BCAS3: variants seen among roughly 807,000 people sequenced by gnomAD.
The protein encoded by BCAS3 is BCAS4/BCAS3 fusion.
Under a neutral mutation model 116.1 loss-of-function variants are expected in BCAS3, and 53 were observed. The ratio of observed to expected loss-of-function variants is 0.46; its 90% CI spans 0.37 to 0.57. BCAS3 has a LOEUF of 0.57. BCAS3 is among the 20% of genes least tolerant of loss of function. The pLI, the probability that BCAS3 is intolerant of heterozygous loss-of-function variation, is 0.00. For missense variants in BCAS3, 917 were observed against 1,165.4 expected, an observed-to-expected ratio of 0.79 and a Z score of 3.10; for synonymous variants, 391 against 408.2, an observed-to-expected ratio of 0.96 and a Z score of 0.51.
At chr17:61,191,630 A>C (rs578168052) in intron 22 of BCAS3, among the ~76,000 whole-genome samples, 10 of 151,604 alleles carry the variant, frequency 6.6e-5, no homozygotes, top group Admixed American at 5.9e-4. Flanking sequence ...AAAAAATTAG[A>C]CAGGTGTGGT....
chr17:60,820,882 T>G, intron 7 of BCAS3, among the ~76,000 whole-genome samples: 1 of 152,224 alleles, frequency 6.6e-6, no homozygotes, highest in Non-Finnish European at 1.5e-5. Context: ...TAATGTACTT[T>G]GTATTCAGTT....
chr17:61,168,813 C>A (rs78244602), intron 22 of BCAS3, among the ~76,000 whole-genome samples: 1 of 152,124 alleles, frequency 6.6e-6, no homozygotes, highest in Non-Finnish European at 1.5e-5. Context: ...TTATATAGTA[C>A]GGTTTTGGAA....
At chr17:60,978,425 G>A (rs976589996) in intron 14 of BCAS3, among the ~76,000 whole-genome samples, 2 of 150,832 alleles carry the variant, frequency 1.3e-5, no homozygotes, top group African/African-American at 5.0e-5. Context: ...TGAGTAGGTT[G>A]CGAAAATTTT....
At chr17:60,936,746 A>AT (rs1213425711) in intron 13 of BCAS3, among the ~76,000 whole-genome samples, 1 of 152,086 alleles carries the variant, frequency 6.6e-6, no homozygotes, top group Non-Finnish European at 1.5e-5. Context: ...TTTATTGTAG[A>AT]TTCTCGATAT....
rs2144604902 is a variant in BCAS3, at chr17:61,265,751, G to A, written c.2426-102576G>A. 6.6e-6 allele frequency among the ~76,000 whole-genome samples: 1 copy of A among 151,880 alleles called. No individual in the cohort carries two copies. The highest frequency in any genetic ancestry group is 1.5e-5 in the Non-Finnish European group (1 of 67,960). The stretch of plus-strand genomic sequence containing the variant: ...GGGTTTGTGTGTGTCATACTGTCCT[G>A]GACTCTGTATAGCAAAGATTTAATG... On this transcript the variant is annotated intron_variant, in intron 22 of 23. Coordinates refer to ENST00000407086, the MANE Select transcript of BCAS3 (RefSeq NM_017679.5). The surrounding 1 kb of genome is among the most constrained non-coding windows in gnomAD (Gnocchi z 4.3).
rs1464690302 is a variant in BCAS3 at position 60,920,432 on chromosome 17, A to T, written c.994-3975A>T. Among the ~76,000 whole-genome samples, 2 of 152,204 alleles carry T rather than the reference A, an allele frequency of 1.3e-5. 1 individual carries two copies. The highest frequency in any genetic ancestry group is 3.8e-4 in the East Asian group (2 of 5,198). ...TAACCCCATTAAAAATGGGCAAAGG[A>T]CACACATACACTTCTTAAAAGAAGA... On this transcript the variant is annotated intron_variant, in intron 12 of 23. Coordinates refer to ENST00000407086, the MANE Select transcript of BCAS3 (RefSeq NM_017679.5).
At position 61,019,006 on chromosome 17, in the gene BCAS3, G is replaced by GAGT. The variant is rs2065688788; in HGVS notation, c.1637+3106_1637+3107insGTA. ...TAATATAGAGTACAGTGACTGATAAGACTTTGATGATAGTGGTCAGTCATA... is the reference window on the plus strand; with the variant it reads ...TAATATAGAGTACAGTGACTGATAAGAGTACTTTGATGATAGTGGTCAGTCATA... On this transcript the variant is annotated intron_variant, in intron 16 of 23. Coordinates refer to ENST00000407086, the MANE Select transcript of BCAS3 (RefSeq NM_017679.5). The surrounding 1 kb of genome is among the most constrained non-coding windows in gnomAD (Gnocchi z 5.6). Among the ~76,000 whole-genome samples, 5 of 152,022 alleles carry GAGT rather than the reference G, an allele frequency of 3.3e-5. No individual in the cohort carries two copies. The highest frequency in any genetic ancestry group is 1.2e-4 in the African/African-American group (5 of 41,354).
At position 61,020,998 on chromosome 17, in the gene BCAS3, A is replaced by C. The variant is rs1481900189; in HGVS notation, c.1637+5097A>C. On this transcript the variant is annotated intron_variant, in intron 16 of 23. Coordinates refer to ENST00000407086, the MANE Select transcript of BCAS3 (RefSeq NM_017679.5). The surrounding 1 kb of genome is among the most constrained non-coding windows in gnomAD (Gnocchi z 4.5). ...TCTCTCGTAGGTTTCCTTTTCCTTAAATGGAAGTAGCTCCTCATTTCTTTC... is the reference window on the plus strand; with the variant it reads ...TCTCTCGTAGGTTTCCTTTTCCTTACATGGAAGTAGCTCCTCATTTCTTTC... 1.3e-5 allele frequency among the ~76,000 whole-genome samples: 2 copies of C among 152,094 alleles called. No homozygotes were observed. Among genetic ancestry groups the C allele is most frequent in the East Asian group, 3.9e-4 (2 of 5,182 alleles).
At chr17:61,150,324 A>G (rs1428249911) in intron 22 of BCAS3, among the ~76,000 whole-genome samples, 2 of 152,198 alleles carry the variant, frequency 1.3e-5, no homozygotes, top group Non-Finnish European at 2.9e-5. Context: ...TGCTGTTGGC[A>G]GTTTATGTTT....
At position 61,381,538 on chromosome 17, in the gene BCAS3, A is replaced by G. The variant is rs945962958; in HGVS notation, c.2594-10439A>G. 7.9e-5 allele frequency among the ~76,000 whole-genome samples: 12 copies of G among 152,210 alleles called. No individual in the cohort carries two copies. Among genetic ancestry groups the G allele is most frequent in the African/African-American group, 2.9e-4 (12 of 41,460 alleles). On this transcript the variant is annotated intron_variant, in intron 23 of 23. Coordinates refer to ENST00000407086, the MANE Select transcript of BCAS3 (RefSeq NM_017679.5). The surrounding 1 kb of genome is among the most constrained non-coding windows in gnomAD (Gnocchi z 6.0). ...TAGGCTTGGCCTAGAACACTAGACC[A>G]AGAACTGGGTTATTTAACTTCAAAC... is the stretch of plus-strand genomic sequence containing the variant.
At chr17:60,878,167 G>A (rs889234699) in intron 9 of BCAS3, among the ~76,000 whole-genome samples, 3 of 151,738 alleles carry the variant, frequency 2.0e-5, no homozygotes, top group Non-Finnish European at 2.9e-5. Flanking sequence ...GCACCACCAC[G>A]CCCGGCTAAT....
Position 61,219,231 on chromosome 17 carries a change from C to A in BCAS3, c.2425+134667C>A, listed in dbSNP as rs1013076893. ...TAAAGTAGGTTGTCCTCTAAACATA[C>A]AATCTCTGAGAAAGATCCTTGTCCA... On this transcript the variant is annotated intron_variant, in intron 22 of 23. Transcript: ENST00000407086. This position sits in a 1 kb window ranked among gnomAD's most constrained non-coding sequence, Gnocchi z 5.2. Among the ~76,000 whole-genome samples the A allele has an allele frequency of 2.0e-5, 3 of 152,122 alleles. No homozygotes were observed. The highest frequency in any genetic ancestry group is 1.3e-4 in the Admixed American group (2 of 15,268).
rs187566704 is a variant in BCAS3 at position 61,211,064 on chromosome 17, G to A, written c.2425+126500G>A. ...CCAAGCTAGGGTCCCAGCGCTGGGT[G>A]GGGGACAGGAGAAAAGGCCTGAGGC... is the stretch of plus-strand genomic sequence containing the variant. On this transcript the variant is annotated intron_variant, in intron 22 of 23. Coordinates refer to ENST00000407086, the MANE Select transcript of BCAS3 (RefSeq NM_017679.5). The surrounding 1 kb of genome is among the most constrained non-coding windows in gnomAD (Gnocchi z 4.4). Among the ~76,000 whole-genome samples the A allele has an allele frequency of 1.1e-3, 165 of 152,112 alleles. 1 individual carries two copies. Among genetic ancestry groups the A allele is most frequent in the African/African-American group, 3.6e-3 (151 of 41,436 alleles).
At chr17:60,734,750 C>T (rs1254999175) in intron 5 of BCAS3, among the ~76,000 whole-genome samples, 1 of 152,202 alleles carries the variant, frequency 6.6e-6, no homozygotes, top group Non-Finnish European at 1.5e-5. Context: ...GTCTTGAAAT[C>T]AGATAGCATC....
chr17:60,826,377 G>T (rs551087983), intron 7 of BCAS3, among the ~76,000 whole-genome samples: 1 of 151,938 alleles, frequency 6.6e-6, no homozygotes, highest in South Asian at 2.1e-4. Flanking sequence ...TAGGGATGGG[G>T]TTTTGCCATG....
At position 61,122,990 on chromosome 17, in the gene BCAS3, G is replaced by A. The variant is rs375189585; in HGVS notation, c.2425+38426G>A. 1.5e-4 allele frequency among the ~76,000 whole-genome samples: 23 copies of A among 149,314 alleles called. No individual in the cohort carries two copies. In the East Asian group the frequency reaches 4.5e-3, roughly 29 times the overall value. On this transcript the variant is annotated intron_variant, in intron 22 of 23. Transcript: ENST00000407086. This position sits in a 1 kb window ranked among gnomAD's most constrained non-coding sequence, Gnocchi z 4.6. ...GAGTTTTGCTTTTGTTGCCCAGGCT[G>A]GAGTGCAATGGTGCGATCTTGGCTC... is the stretch of plus-strand genomic sequence containing the variant.
chr17:60,698,463 G>C (rs1232508688), intron 4 of BCAS3, among the ~76,000 whole-genome samples: 1 of 152,058 alleles, frequency 6.6e-6, no homozygotes, highest in Non-Finnish European at 1.5e-5. Context: ...GGGCAACACA[G>C]TGAAACTCTG....
rs2048185138 is a variant in BCAS3 at position 61,249,146 on chromosome 17, G to T, written c.2426-119181G>T. Among the ~76,000 whole-genome samples the T allele has an allele frequency of 6.6e-6, 1 of 152,066 alleles. No individual in the cohort carries two copies. The highest frequency in any genetic ancestry group is 6.6e-5 in the Admixed American group (1 of 15,254). On this transcript the variant is annotated intron_variant, in intron 22 of 23. Coordinates refer to ENST00000407086, the MANE Select transcript of BCAS3 (RefSeq NM_017679.5). This position sits in a 1 kb window ranked among gnomAD's most constrained non-coding sequence, Gnocchi z 6.2. ...ACTAAAAATACAAAAAATTAGCCGG[G>T]AATGGTGGCGGGTGCCTGTAATCCC... is the stretch of plus-strand genomic sequence containing the variant.
intron 12 of BCAS3, among the ~76,000 whole-genome samples, chr17:60,918,835 G>A (rs1268571325): frequency 1.3e-5 from 2 of 151,846 alleles, no homozygotes; most frequent in Non-Finnish European, 2.9e-5. Context: ...TGGGACTACA[G>A]GCACCCGCCA....
Sources: gnomAD v4.1 joint callset for allele counts (sites outside exome capture counted in the v4.1 genomes callset) on GRCh38, gnomAD v4.1.1 for gene constraint, Gnocchi (gnomAD v3.1) non-coding constraint, MANE v1.5 for transcripts, NCBI Gene and HGNC (gene_info 2026-07-23, HGNC 2026-07-21) for gene names.